DTNA: variants seen among roughly 807,000 people sequenced by gnomAD.
DTNA encodes the protein dystrophin-related protein 3.
In DTNA, 43 loss-of-function variants were observed where a neutral mutation model predicts 100.7. That is an observed-to-expected ratio of 0.43 (90% CI 0.33 to 0.55). The LOEUF (loss-of-function observed/expected upper bound fraction) is 0.55, where lower values mean the gene tolerates loss of function less well. Ranked by LOEUF, DTNA falls within the 20% of genes least tolerant of loss-of-function variation. The pLI, the probability that DTNA is intolerant of heterozygous loss-of-function variation, is 0.04. For synonymous variants in DTNA, 349 were observed against 347.9 expected, an observed-to-expected ratio of 1.00 and a Z score of -0.04; for missense variants, 798 against 953.9, an observed-to-expected ratio of 0.84 and a Z score of 2.15.
intron 1 of DTNA, among the ~76,000 whole-genome samples, chr18:34,739,343 T>C (rs190175977): frequency 3.0e-4 from 45 of 152,340 alleles, no homozygotes; most frequent in Admixed American, 1.6e-3. Flanking sequence ...CCATAAGATA[T>C]TGGCATAATC....
intron 1 of DTNA, among the ~76,000 whole-genome samples, chr18:34,631,037 A>C (rs2058019935): frequency 6.6e-6 from 1 of 152,182 alleles, no homozygotes; most frequent in Non-Finnish European, 1.5e-5. Flanking sequence ...CCAGAGAAGG[A>C]AGTAATGGTT....
chr18:34,706,132 G>A (rs1183100469), upstream of DTNA, among the ~76,000 whole-genome samples: 1 of 152,132 alleles, frequency 6.6e-6, no homozygotes, highest in African/African-American at 2.4e-5. Context: ...ATTTTTAGCA[G>A]AGACGGGGTT....
Position 34,812,020 on chromosome 18 carries a change from C to G in DTNA, c.510C>G (p.Phe170Leu). 1 of 1,614,056 alleles carries G rather than the reference C, an allele frequency of 6.2e-7. No homozygotes were observed. The highest frequency in any genetic ancestry group is 8.5e-7 in the Non-Finnish European group (1 of 1,179,972). Residue 170 changes from phenylalanine (F) to leucine (L), a missense_variant, in exon 6 of 23, where the codon TTC becomes TTG. By Grantham distance (22) the Phe-to-Leu change is conservative. Around this residue, in one of 6 missense-constraint regions of DTNA, gnomAD observed 197 missense variants for 215.4 expected, o/e 0.91. Coordinates refer to ENST00000444659, the MANE Select transcript of DTNA (RefSeq NM_001386795.1). ...TGGTTTATGGACGATATGACCAATT[C>G]CTTCGGGAAGTTCTCAAACTACCCA... is the stretch of plus-strand genomic sequence containing the variant. The part of the protein sequence containing the change: ...GVMVYGRYDQ[F>L]LREVLKLPTA...
intron 1 of DTNA, among the ~76,000 whole-genome samples, chr18:34,558,780 A>G (rs2046367558): frequency 6.6e-6 from 1 of 152,194 alleles, no homozygotes; most frequent in Non-Finnish European, 1.5e-5. Flanking sequence ...AGGGAAGACT[A>G]AGGACAAATA....
chr18:34,631,196 C>T (rs1429363797), intron 1 of DTNA, among the ~76,000 whole-genome samples: 1 of 152,120 alleles, frequency 6.6e-6, no homozygotes, highest in Non-Finnish European at 1.5e-5. Flanking sequence ...AATTCTACCA[C>T]TTAGTAGCTA....
intron 1 of DTNA, among the ~76,000 whole-genome samples, chr18:34,722,211 TAAA>T (rs1046303885): frequency 2.0e-4 from 30 of 152,242 alleles, no homozygotes; most frequent in African/African-American, 6.5e-4. Flanking sequence ...AATATTAAAA[TAAA>T]GAAGAATGTC....
At chr18:34,781,813 G>T (rs2094335551) in intron 3 of DTNA, among the ~76,000 whole-genome samples, 1 of 152,184 alleles carries the variant, frequency 6.6e-6, no homozygotes. Context: ...AAGTAATGCA[G>T]TTGCTACTTA....
intron 1 of DTNA, among the ~76,000 whole-genome samples, chr18:34,715,471 TTTAA>T (rs2083841510): frequency 6.6e-6 from 1 of 151,062 alleles, no homozygotes; most frequent in South Asian, 2.1e-4. Flanking sequence ...TTTAATTGTT[TTTAA>T]TTTTTTAATT....
intron 15 of DTNA, among the ~76,000 whole-genome samples, chr18:34,854,988 C>G (rs2096535522): frequency 6.6e-6 from 1 of 152,158 alleles, no homozygotes; most frequent in African/African-American, 2.4e-5. Context: ...TATTTCTACT[C>G]TTTTTCCCCA....
intron 1 of DTNA, chr18:34,504,283 T>G (rs1234767750): frequency 6.6e-6 from 1 of 152,166 alleles, no homozygotes; most frequent in Non-Finnish European, 1.5e-5. Flanking sequence ...AAACCGTACC[T>G]CCCTTTACAG....
chr18:34,811,982 T>G lies in DTNA; in HGVS notation c.472T>G (p.Ser158Ala), dbSNP rs2149331739. 1.2e-6 allele frequency: 2 copies of G among 1,614,048 alleles called. No homozygotes were observed. The highest frequency in any genetic ancestry group is 1.7e-6 in the Non-Finnish European group (2 of 1,179,930). The change falls in exon 6 of 23, where the codon TCC becomes GCC. Residue 158 changes from serine (S) to alanine (A), a missense_variant. This residue lies in a region of DTNA where 197 missense variants were observed against 215.4 expected (regional missense o/e 0.91). Coordinates refer to ENST00000444659, the MANE Select transcript of DTNA (RefSeq NM_001386795.1). ...LRYIFSMISD[S>A]SGVMVYGRYD... ...AGATATTTTCTCAATGATTTCTGACTCCAGTGGGGTGATGGTTTATGGACG... is the reference window on the plus strand; with the variant it reads ...AGATATTTTCTCAATGATTTCTGACGCCAGTGGGGTGATGGTTTATGGACG...
chr18:34,614,949 G>A (rs2054942046), intron 1 of DTNA, among the ~76,000 whole-genome samples: 1 of 152,184 alleles, frequency 6.6e-6, no homozygotes, highest in Non-Finnish European at 1.5e-5. Context: ...GTACAGAGAA[G>A]TCTTTCATGA....
Position 34,820,819 on chromosome 18 carries a change from C to T in DTNA, c.905C>T (p.Ala302Val). 6.2e-7 allele frequency: 1 copy of T among 1,614,136 alleles called. No individual in the cohort carries two copies. Among genetic ancestry groups the T allele is most frequent in the Non-Finnish European group, 8.5e-7 (1 of 1,180,006 alleles). The change falls in exon 9 of 23, where the codon GCA (alanine) becomes GTA (valine). Residue 302 changes from alanine to valine, a missense_variant. By Grantham distance (64) the Ala-to-Val change is moderately conservative. Transcript: ENST00000444659. ...TCACCTGCTAAGAAGCTGACTAATG[C>T]ATTAAGCAAGTCCCTGAGCTGTGCT... Reference protein sequence around the residue: ...WKSPAKKLTNALSKSLSCASS... With the variant: ...WKSPAKKLTNVLSKSLSCASS...
intron 3 of DTNA, among the ~76,000 whole-genome samples, chr18:34,772,603 C>T (rs1210812823): frequency 3.3e-5 from 5 of 152,140 alleles, no homozygotes; most frequent in African/African-American, 1.2e-4. Flanking sequence ...GTAGTAAACA[C>T]TAATATTCCA....
intron 11 of DTNA, among the ~76,000 whole-genome samples, chr18:34,832,226 C>T (rs1015950372): frequency 2.0e-5 from 3 of 152,174 alleles, no homozygotes; most frequent in Non-Finnish European, 4.4e-5. Flanking sequence ...TCTGGCACCA[C>T]CCTGAAGATT....
chr18:34,532,276 G>GT (rs2043214694), intron 1 of DTNA, among the ~76,000 whole-genome samples: 1 of 152,196 alleles, frequency 6.6e-6, no homozygotes, highest in African/African-American at 2.4e-5. Context: ...CATTTAACCT[G>GT]TTTTTTGAAA....
Position 34,593,129 on chromosome 18 carries a change from C to T in DTNA, c.-2+99615C>T, listed in dbSNP as rs541329102. 3.9e-5 allele frequency among the ~76,000 whole-genome samples: 6 copies of T among 152,214 alleles called. No individual in the cohort carries two copies. In the South Asian group the frequency reaches 1.2e-3, roughly 32 times the overall value. On this transcript the variant is annotated intron_variant, in intron 1 of 19. Transcript: ENST00000283365. ...AGCTTCCAAGTGTTTCCGTAATATC[C>T]GTCAATGAAAGCATCTCCTTTTACC... is the stretch of plus-strand genomic sequence containing the variant.
chr18:34,813,577 G>A (rs375694437), intron 6 of DTNA, among the ~76,000 whole-genome samples: 4 of 151,910 alleles, frequency 2.6e-5, no homozygotes, highest in Non-Finnish European at 4.4e-5. Flanking sequence ...TCAATAGGCC[G>A]GGTGAGGTGG....
chr18:34,760,102 A>T (rs2093041912), intron 2 of DTNA: 1 of 152,210 alleles, frequency 6.6e-6, no homozygotes, highest in African/African-American at 2.4e-5. Flanking sequence ...TGAGTTTAAG[A>T]AAACCGATCT....
Sources: allele counts gnomAD v4.1 joint callset (sites outside exome capture counted in the v4.1 genomes callset), GRCh38; gene constraint gnomAD v4.1.1; regional missense constraint gnomAD v4.1.1; transcripts MANE v1.5; gene names NCBI Gene and HGNC (gene_info 2026-07-23, HGNC 2026-07-21).